SLC25A21: variants seen among roughly 807,000 people sequenced by gnomAD.
SLC25A21 encodes solute carrier family 25 member 21, also known as mitochondrial 2-oxodicarboxylate carrier.
In SLC25A21, 47 loss-of-function variants were observed where a neutral mutation model predicts 43.8. That is an observed-to-expected ratio of 1.07 (90% CI 0.85 to 1.37). The LOEUF is 1.37. Among genes scored for constraint, SLC25A21 ranks in the 40% most tolerant of loss-of-function variants. The probability of loss-of-function intolerance (pLI) is 0.00; values close to 1 mark genes in which losing one functional copy is unlikely to be tolerated. For synonymous variants in SLC25A21, 131 were observed against 121.3 expected (o/e 1.08, Z -0.52); for missense variants, 352 against 350.2 (o/e 1.00, Z -0.04).
At chr14:37,044,137 G>A (rs572567148) in intron 1 of SLC25A21, among the ~76,000 whole-genome samples, 1 of 151,696 alleles carries the variant, frequency 6.6e-6, no homozygotes, top group African/African-American at 2.4e-5. Flanking sequence ...TACATCCCCA[G>A]CACCAAAAAC....
At chr14:36,938,523 G>A (rs1375743765) in intron 1 of SLC25A21, among the ~76,000 whole-genome samples, 2 of 151,980 alleles carry the variant, frequency 1.3e-5, no homozygotes, top group Non-Finnish European at 2.9e-5. Flanking sequence ...TCTGCATCCC[G>A]CTGAGCCTTA....
chr14:36,868,221 A>C (rs547173174), intron 2 of SLC25A21, among the ~76,000 whole-genome samples: 1 of 152,296 alleles, frequency 6.6e-6, no homozygotes, highest in East Asian at 1.9e-4. Flanking sequence ...TATACAAGTG[A>C]ATGAGGTCTT....
intron 1 of SLC25A21, among the ~76,000 whole-genome samples, chr14:36,963,916 C>T (rs1315994156): frequency 6.6e-6 from 1 of 152,106 alleles, no homozygotes; most frequent in Non-Finnish European, 1.5e-5. Flanking sequence ...CACAGTTCCA[C>T]GATATTCTTC....
At chr14:36,997,693 G>A (rs1050549577) in intron 1 of SLC25A21, among the ~76,000 whole-genome samples, 1 of 152,004 alleles carries the variant, frequency 6.6e-6, no homozygotes, top group African/African-American at 2.4e-5. Context: ...GCCGGGCATA[G>A]TGGCAGGTGC....
At position 36,698,069 on chromosome 14, in the gene SLC25A21, G is replaced by A. The variant is rs532520029; in HGVS notation, c.604-13144C>T. Among the ~76,000 whole-genome samples the A allele has an allele frequency of 3.2e-3, 468 of 144,204 alleles. 2 individuals carry two copies. Among genetic ancestry groups the A allele is most frequent in the Non-Finnish European group, 4.4e-3 (289 of 66,138 alleles). The allele number at this position is 144,204 out of a possible 152,430, so 94.6% of individuals were successfully genotyped here. A position where few individuals can be genotyped will look rare whatever the true frequency, so the allele number is the denominator to read the frequency against. On this transcript the variant is annotated intron_variant, in intron 7 of 9. Coordinates refer to ENST00000331299, the MANE Select transcript of SLC25A21 (RefSeq NM_030631.4). Reference sequence around the variant, plus strand: ...GCTGGTACCGGTTGTTTCTTTCCACGTTTAGTGCTTCCTTCAGGAGCTCTT... The same window carrying A: ...GCTGGTACCGGTTGTTTCTTTCCACATTTAGTGCTTCCTTCAGGAGCTCTT...
At chr14:36,874,506 A>C (rs1890462298) in intron 2 of SLC25A21, among the ~76,000 whole-genome samples, 1 of 152,150 alleles carries the variant, frequency 6.6e-6, no homozygotes, top group Non-Finnish European at 1.5e-5. Context: ...GGCATTTTGC[A>C]TTGGCAAACA....
chr14:36,950,420 G>A (rs772775575), intron 1 of SLC25A21, among the ~76,000 whole-genome samples: 3 of 152,052 alleles, frequency 2.0e-5, no homozygotes, highest in African/African-American at 4.8e-5. Context: ...AAGAAATACC[G>A]AAGATATATT....
chr14:36,867,346 T>C (rs1890240865), intron 2 of SLC25A21, among the ~76,000 whole-genome samples: 1 of 152,190 alleles, frequency 6.6e-6, no homozygotes. Flanking sequence ...TATTATTCAC[T>C]TTATAGACAT....
chr14:36,798,080 G>C (rs765451384), intron 3 of SLC25A21, among the ~76,000 whole-genome samples: 16 of 152,184 alleles, frequency 1.1e-4, no homozygotes, highest in Non-Finnish European at 1.9e-4. Flanking sequence ...GTGATTAGAA[G>C]TTCAATAAAA....
At chr14:37,141,462 T>C (rs1963568770) in intron 1 of SLC25A21, among the ~76,000 whole-genome samples, 1 of 152,154 alleles carries the variant, frequency 6.6e-6, no homozygotes, top group Non-Finnish European at 1.5e-5. Flanking sequence ...TGTATTAAAA[T>C]AGCATAGAAT....
At chr14:36,980,321 G>C (rs1040988232) in intron 1 of SLC25A21, among the ~76,000 whole-genome samples, 4 of 152,186 alleles carry the variant, frequency 2.6e-5, no homozygotes, top group Non-Finnish European at 5.9e-5. Context: ...AGTTATCCCA[G>C]ATAATATCCT....
intron 1 of SLC25A21, among the ~76,000 whole-genome samples, chr14:36,896,230 T>C (rs12586153): frequency 0.11 from 15,992 of 152,218 alleles, 1,165 homozygotes; most frequent in East Asian, 0.36. Context: ...GCTCCTGTAT[T>C]GGGTGCATAT....
chr14:37,002,057 A>G (rs1045210609), intron 1 of SLC25A21, among the ~76,000 whole-genome samples: 1 of 152,188 alleles, frequency 6.6e-6, no homozygotes, highest in African/African-American at 2.4e-5. Flanking sequence ...CTCAAGGCAC[A>G]GCATGAGGCA....
intron 1 of SLC25A21, among the ~76,000 whole-genome samples, chr14:37,171,688 T>C (rs1964132547): frequency 6.6e-6 from 1 of 152,200 alleles, no homozygotes. Flanking sequence ...AGGTTTATTT[T>C]TTCCCCACAG....
In SLC25A21 at chr14:37,090,213, T is replaced by C. The variant is rs563019317; in HGVS notation, c.70+82068A>G. On this transcript the variant is annotated intron_variant, in intron 1 of 9. Transcript: ENST00000331299. ...CATCTGGGAAGCTGAGCTATTAAAATTGAAGACATATGTTCCAGTCAAACT... is the reference window on the plus strand; with the variant it reads ...CATCTGGGAAGCTGAGCTATTAAAACTGAAGACATATGTTCCAGTCAAACT... Among the ~76,000 whole-genome samples the C allele has an allele frequency of 9.8e-5, 15 of 152,360 alleles. No individual in the cohort carries two copies. In the South Asian group the frequency reaches 2.3e-3, roughly 23 times the overall value.
Position 36,703,095 on chromosome 14 carries a change from C to T in SLC25A21, c.603+8223G>A, listed in dbSNP as rs181768163. On this transcript the variant is annotated intron_variant, in intron 7 of 9. Transcript: ENST00000331299. ...TTTTCTTAATGAAACTTTAATGTTCCTGCCCTTCCCATTACCGGATGATTG... is the reference window on the plus strand; with the variant it reads ...TTTTCTTAATGAAACTTTAATGTTCTTGCCCTTCCCATTACCGGATGATTG... Among the ~76,000 whole-genome samples the T allele has an allele frequency of 2.2e-3, 336 of 152,264 alleles. 1 individual carries two copies. The highest frequency in any genetic ancestry group is 4.0e-3 in the Non-Finnish European group (271 of 68,030).
Position 37,137,848 on chromosome 14 carries a change from G to A in SLC25A21, c.70+34433C>T, listed in dbSNP as rs962960967. On this transcript the variant is annotated intron_variant, in intron 1 of 9. Transcript: ENST00000331299. ...AACATGTCTGTATGTCAATGAATTC[G>A]TTCTACAGGTATTAATTAACAACTG... 3.3e-5 allele frequency among the ~76,000 whole-genome samples: 5 copies of A among 152,030 alleles called. No homozygotes were observed. In the East Asian group the frequency reaches 5.8e-4, roughly 18 times the overall value.
chr14:37,119,643 C>A (rs1963170273), intron 1 of SLC25A21, among the ~76,000 whole-genome samples: 1 of 152,130 alleles, frequency 6.6e-6, no homozygotes, highest in African/African-American at 2.4e-5. Context: ...TATGGAGTAG[C>A]CACTATTTAT....
intron 7 of SLC25A21, among the ~76,000 whole-genome samples, chr14:36,692,170 C>A (rs187494266): frequency 3.9e-5 from 6 of 152,156 alleles, no homozygotes; most frequent in African/African-American, 1.2e-4. Flanking sequence ...TGTGAGTGCA[C>A]AGCTAAAGAG....
Sources: allele counts gnomAD v4.1 joint callset (sites outside exome capture counted in the v4.1 genomes callset), GRCh38; gene constraint gnomAD v4.1.1; transcripts MANE v1.5; gene names NCBI Gene and HGNC (gene_info 2026-07-23, HGNC 2026-07-21).